NAV2: variants seen among roughly 807,000 people sequenced by gnomAD.
NAV2 encodes the protein neuron navigator 2, also known as helicase, APC down-regulated 1.
A neutral mutation model predicts 223.2 loss-of-function variants in NAV2; 54 were observed. That is an observed-to-expected ratio of 0.24 (90% CI 0.19 to 0.30). The LOEUF is 0.30. Among genes scored for constraint, NAV2 ranks in the 10% least tolerant of loss-of-function variants. NAV2 has a pLI of 1.00. For synonymous variants in NAV2, 1,279 were observed against 1,239.3 expected (o/e 1.03, Z -0.67); for missense variants, 2,806 against 3,147.5 (o/e 0.89, Z 2.60).
At chr11:20,052,080 G>A (rs2058048230) in intron 17 of NAV2, among the ~76,000 whole-genome samples, 1 of 152,196 alleles carries the variant, frequency 6.6e-6, no homozygotes, top group Non-Finnish European at 1.5e-5. Context: ...TGATCTTGCT[G>A]TCTTATGGTT....
chr11:20,117,925 A>G (rs2063262333), intron 37 of NAV2, among the ~76,000 whole-genome samples: 1 of 152,220 alleles, frequency 6.6e-6, no homozygotes, highest in Non-Finnish European at 1.5e-5. Flanking sequence ...GAGGTTAAGT[A>G]ATGTGTTCAA....
intron 1 of NAV2, among the ~76,000 whole-genome samples, chr11:19,827,735 T>G (rs560581129): frequency 2.9e-3 from 448 of 152,258 alleles, no homozygotes; most frequent in African/African-American, 0.01. Context: ...AAAAATTGTT[T>G]TAAGAAGTTT....
At chr11:20,040,306 A>G (rs10500868) in intron 12 of NAV2, among the ~76,000 whole-genome samples, 2,839 of 152,292 alleles carry the variant, frequency 0.019, 87 homozygotes, top group African/African-American at 0.065. Flanking sequence ...AATGCTAAAG[A>G]TGGACAACAG....
chr11:19,771,868 C>T (rs1163983323), intron 1 of NAV2, among the ~76,000 whole-genome samples: 5 of 152,114 alleles, frequency 3.3e-5, no homozygotes, highest in Admixed American at 2.6e-4. Context: ...TCCTGAAAGC[C>T]ATACATCTTA....
In NAV2 at chr11:20,114,928, G is replaced by T. The variant is rs1449924069; in HGVS notation, c.7164+133G>T. The T allele has an allele frequency of 5.7e-6, 5 of 880,740 alleles. No homozygotes were observed. In the Admixed American group the frequency reaches 8.9e-5, roughly 16 times the overall value. 54.6% of individuals were successfully genotyped at this position (880,740 alleles called of 1,614,324 possible). On this transcript the variant is annotated intron_variant, in intron 37 of 37. Transcript: ENST00000349880. ...TTTGGAAGGCTGGACCCAAATGACTGGGCCATTTTTGCCAATATTTTCTTC... is the reference window on the plus strand; with the variant it reads ...TTTGGAAGGCTGGACCCAAATGACTTGGCCATTTTTGCCAATATTTTCTTC...
At chr11:19,685,754 A>G (rs2049005269) in intron 1 of NAV2, among the ~76,000 whole-genome samples, 1 of 151,970 alleles carries the variant, frequency 6.6e-6, no homozygotes, top group South Asian at 2.1e-4. Context: ...CTCCCTCTCT[A>G]ATCTTCCATT....
chr11:19,369,828 G>A (rs1848412634), intron 1 of NAV2, among the ~76,000 whole-genome samples: 1 of 152,182 alleles, frequency 6.6e-6, no homozygotes, highest in Non-Finnish European at 1.5e-5. Flanking sequence ...GTTTCCTTTG[G>A]TAGGCACCTT....
At chr11:19,588,673 G>T (rs56785453) in intron 1 of NAV2, among the ~76,000 whole-genome samples, 2,772 of 152,278 alleles carry the variant, frequency 0.018, 103 homozygotes, top group African/African-American at 0.062. Flanking sequence ...AATGAAAAAG[G>T]ATAGAAAATG....
chr11:19,514,998 G>T (rs11025163), intron 1 of NAV2, among the ~76,000 whole-genome samples: 23,420 of 152,156 alleles, frequency 0.15, 1,962 homozygotes, highest in Admixed American at 0.2. Flanking sequence ...TCTGACTTTG[G>T]AAAGTAGGAA....
chr11:20,016,360 G>A (rs2054003038), intron 11 of NAV2, among the ~76,000 whole-genome samples: 1 of 152,188 alleles, frequency 6.6e-6, no homozygotes. Flanking sequence ...GATTTAGAAT[G>A]GGAAGGGCAT....
At chr11:20,040,216 C>A (rs544198167) in intron 12 of NAV2, among the ~76,000 whole-genome samples, 15 of 152,052 alleles carry the variant, frequency 9.9e-5, no homozygotes, top group Non-Finnish European at 1.9e-4. Flanking sequence ...AGGGAATATC[C>A]CTGCCTTCCA....
chr11:20,065,396 G>A (rs987866132), intron 20 of NAV2, among the ~76,000 whole-genome samples: 1 of 152,198 alleles, frequency 6.6e-6, no homozygotes, highest in African/African-American at 2.4e-5. Flanking sequence ...CATGAAATTT[G>A]CAATTTTAAT....
chr11:19,659,039 G>A (rs1200675588), intron 1 of NAV2, among the ~76,000 whole-genome samples: 3 of 152,202 alleles, frequency 2.0e-5, no homozygotes, highest in Admixed American at 6.5e-5. Flanking sequence ...GTACTTCAGT[G>A]AGTTAAATAG....
chr11:19,713,311 C>T lies in NAV2; in HGVS notation c.-385C>T. 3 of 1,047,922 alleles carry T rather than the reference C, an allele frequency of 2.9e-6. No homozygotes were observed. The highest frequency in any genetic ancestry group is 3.4e-6 in the Non-Finnish European group (3 of 871,652). The allele number at this position is 1,047,922 out of a possible 1,614,324, so 64.9% of individuals were successfully genotyped here. On this transcript the variant is annotated 5_prime_UTR_variant, in exon 1 of 38. Coordinates refer to ENST00000349880, the MANE Select transcript of NAV2 (RefSeq NM_145117.5). The surrounding 1 kb of genome is among the most constrained non-coding windows in gnomAD (Gnocchi z 7.2). ...CCTCTGTCTCTTCCAAAGGGGCCTC[C>T]TCACTTCGGAGATGCAGTGACAAGT...
intron 1 of NAV2, among the ~76,000 whole-genome samples, chr11:19,804,452 A>G (rs573885427): frequency 5.6e-4 from 86 of 152,278 alleles, no homozygotes; most frequent in African/African-American, 2.0e-3. Flanking sequence ...TCTTATTTTA[A>G]TCTTGAGAAG....
rs190836424 is a variant in NAV2 at position 19,839,036 on chromosome 11, A to G, written c.386-3835A>G. On this transcript the variant is annotated intron_variant, in intron 2 of 37. Coordinates refer to ENST00000349880, the MANE Select transcript of NAV2 (RefSeq NM_145117.5). Reference sequence around the variant, plus strand: ...CGACTTTTCTGCCATCATCTTCTATAAGGCAGAAGAAAGTGGGCCTTTTGC... The same window carrying G: ...CGACTTTTCTGCCATCATCTTCTATGAGGCAGAAGAAAGTGGGCCTTTTGC... Among the ~76,000 whole-genome samples the G allele has an allele frequency of 1.3e-3, 205 of 152,244 alleles. 3 individuals carry two copies. The highest frequency in any genetic ancestry group is 6.8e-3 in the Middle Eastern group (2 of 294).
Position 19,472,967 on chromosome 11 carries a change from C to A in NAV2, c.75+121940C>A, listed in dbSNP as rs559705390. Among the ~76,000 whole-genome samples the A allele has an allele frequency of 2.0e-5, 3 of 152,316 alleles. No homozygotes were observed. In the East Asian group the frequency reaches 5.8e-4, roughly 29 times the overall value. ...TCCCATCCTTTGTGCTGCAGGCCAG[C>A]AAGCACCATTTTCCAGATGAGAAGA... On this transcript the variant is annotated intron_variant, in intron 1 of 37. Transcript: ENST00000360655.
intron 22 of NAV2, among the ~76,000 whole-genome samples, chr11:20,071,681 T>G (rs4341513): frequency 1.3e-5 from 2 of 151,960 alleles, no homozygotes; most frequent in African/African-American, 4.8e-5. Context: ...GGTATCTCAT[T>G]GTGGTTTTGA....
chr11:19,522,087 G>A (rs1373026319), intron 1 of NAV2, among the ~76,000 whole-genome samples: 1 of 152,226 alleles, frequency 6.6e-6, no homozygotes, highest in South Asian at 2.1e-4. Context: ...GCTACATAGA[G>A]AGGTCACAAG....
Sources: allele counts gnomAD v4.1 joint callset (sites outside exome capture counted in the v4.1 genomes callset), GRCh38; gene constraint gnomAD v4.1.1; non-coding constraint Gnocchi (gnomAD v3.1); transcripts MANE v1.5; gene names NCBI Gene and HGNC (gene_info 2026-07-23, HGNC 2026-07-21).